Variants in FHIT observed in about 807,000 individuals in gnomAD.
The protein encoded by FHIT is bis(5'-adenosyl)-triphosphatase.
Under a neutral mutation model 17.9 loss-of-function variants are expected in FHIT, and 19 were observed. The ratio of observed to expected loss-of-function variants is 1.06; its 90% CI spans 0.74 to 1.56. FHIT has a LOEUF of 1.56. Ranked by LOEUF, FHIT falls within the 40% of genes most tolerant of loss-of-function variation. FHIT has a pLI of 0.00. For synonymous variants in FHIT, 81 were observed against 69.7 expected (o/e 1.16, Z -0.81); for missense variants, 248 against 189.2 (o/e 1.31, Z -1.82).
chr3:59,983,996 T>C (rs1213291984), intron 7 of FHIT, among the ~76,000 whole-genome samples: 1 of 152,092 alleles, frequency 6.6e-6, no homozygotes, highest in Admixed American at 6.6e-5. Context: ...CAAGTCTAAA[T>C]TGTATTCGAA....
At position 61,130,748 on chromosome 3, in the gene FHIT, A is replaced by C. The variant is rs187794956; in HGVS notation, c.-164+69869T>G. On this transcript the variant is annotated intron_variant, in intron 2 of 9. Coordinates refer to ENST00000492590, the MANE Select transcript of FHIT (RefSeq NM_002012.4). ...TGAAATACATAAAAGCTGAGGCTATATAAAAATCTGCATTTACGATAACTC... is the reference window on the plus strand; with the variant it reads ...TGAAATACATAAAAGCTGAGGCTATCTAAAAATCTGCATTTACGATAACTC... Among the ~76,000 whole-genome samples the C allele has an allele frequency of 6.0e-4, 91 of 152,340 alleles. 5 individuals are homozygous for C. The East Asian group carries it at 0.01, about 17-fold the overall frequency.
At position 60,326,522 on chromosome 3, in the gene FHIT, C is replaced by T. The variant is rs187638812; in HGVS notation, c.103+210338G>A. 2.5e-3 allele frequency among the ~76,000 whole-genome samples: 385 copies of T among 152,252 alleles called. 2 individuals are homozygous for T. The highest frequency in any genetic ancestry group is 4.0e-3 in the Non-Finnish European group (274 of 68,016). ...GGAGCGGCTGTAAAGACAGATGAAG[C>T]TTTGCTCAATTGCCCACTGCTCACT... is the stretch of plus-strand genomic sequence containing the variant. On this transcript the variant is annotated intron_variant, in intron 5 of 9. Coordinates refer to ENST00000492590, the MANE Select transcript of FHIT (RefSeq NM_002012.4).
chr3:59,858,131 C>A (rs1702248019), intron 8 of FHIT, among the ~76,000 whole-genome samples: 1 of 151,988 alleles, frequency 6.6e-6, no homozygotes, highest in African/African-American at 2.4e-5. Context: ...GAATGGTTTG[C>A]CCATTCAACA....
intron 4 of FHIT, among the ~76,000 whole-genome samples, chr3:60,735,338 A>G (rs2042113585): frequency 6.6e-6 from 1 of 152,222 alleles, no homozygotes; most frequent in Non-Finnish European, 1.5e-5. Context: ...CCCCTTCTCC[A>G]GTTCTGACTC....
At chr3:60,025,299 G>A (rs972045780) in intron 5 of FHIT, among the ~76,000 whole-genome samples, 7 of 152,138 alleles carry the variant, frequency 4.6e-5, no homozygotes, top group Admixed American at 2.0e-4. Context: ...ATATGTGCAC[G>A]CACACACATT....
chr3:60,667,285 T>G (rs1040078607), intron 4 of FHIT, among the ~76,000 whole-genome samples: 3 of 152,036 alleles, frequency 2.0e-5, no homozygotes, highest in African/African-American at 7.2e-5. Flanking sequence ...GTCCTGTTCA[T>G]TTTTTCAGTC....
At position 60,383,994 on chromosome 3, in the gene FHIT, C is replaced by T. The variant is rs370459873; in HGVS notation, c.103+152866G>A. On this transcript the variant is annotated intron_variant, in intron 5 of 9. Coordinates refer to ENST00000492590, the MANE Select transcript of FHIT (RefSeq NM_002012.4). ...CTTAAATTTTTGGAGATAGGACAGG[C>T]GCAGGTGGCCCATGCCTGTAATCCC... is the stretch of plus-strand genomic sequence containing the variant. Among the ~76,000 whole-genome samples the T allele has an allele frequency of 6.6e-5, 10 of 152,144 alleles. No individual in the cohort carries two copies. The East Asian group carries it at 1.4e-3, about 21-fold the overall frequency.
At chr3:60,499,777 C>T (rs1379192534) in intron 5 of FHIT, among the ~76,000 whole-genome samples, 2 of 152,148 alleles carry the variant, frequency 1.3e-5, no homozygotes, top group African/African-American at 4.8e-5. Context: ...TGCCCATTGT[C>T]CCACAATGGG....
In FHIT at chr3:60,210,251, T is replaced by C. The variant is rs997524192; in HGVS notation, c.104-196099A>G. 4.6e-5 allele frequency among the ~76,000 whole-genome samples: 7 copies of C among 152,062 alleles called. No individual in the cohort carries two copies. In the South Asian group the frequency reaches 6.2e-4, roughly 13 times the overall value. ...CTGTTGGGATAAGTGGATAGTCACA[T>C]GAAGAAAGGTAAAATCAGATCCATT... On this transcript the variant is annotated intron_variant, in intron 5 of 9. Coordinates refer to ENST00000492590, the MANE Select transcript of FHIT (RefSeq NM_002012.4).
At chr3:60,487,142 C>T (rs956922260) in intron 5 of FHIT, among the ~76,000 whole-genome samples, 4 of 152,142 alleles carry the variant, frequency 2.6e-5, no homozygotes, top group South Asian at 2.1e-4. Context: ...GTGACTTGAT[C>T]GCAAGAACCT....
intron 5 of FHIT, among the ~76,000 whole-genome samples, chr3:60,102,064 C>T (rs1228740999): frequency 6.6e-6 from 1 of 152,210 alleles, no homozygotes; most frequent in African/African-American, 2.4e-5. Context: ...AGAAAAGCTG[C>T]CTTTTGGTGG....
chr3:60,551,348 C>T (rs1039392503), intron 4 of FHIT, among the ~76,000 whole-genome samples: 10 of 145,802 alleles, frequency 6.9e-5, no homozygotes, highest in African/African-American at 2.3e-4. Context: ...CATCTCAGGA[C>T]GCCTGGTGTG....
chr3:61,179,661 T>C (rs1480898115), intron 2 of FHIT, among the ~76,000 whole-genome samples: 3 of 143,536 alleles, frequency 2.1e-5, no homozygotes, highest in South Asian at 2.2e-4. Flanking sequence ...TGAGCTATAA[T>C]TGTGCCACTG....
chr3:60,718,538 C>T (rs920392971), intron 4 of FHIT, among the ~76,000 whole-genome samples: 4 of 152,110 alleles, frequency 2.6e-5, no homozygotes, highest in African/African-American at 9.7e-5. Context: ...TAAGGAAAGG[C>T]AAAGTAAAAA....
At chr3:60,069,159 T>G (rs1482134446) in intron 5 of FHIT, among the ~76,000 whole-genome samples, 2 of 152,254 alleles carry the variant, frequency 1.3e-5, no homozygotes, top group East Asian at 3.9e-4. Context: ...CATGAAACAG[T>G]GCTTGGAAAG....
At chr3:60,183,917 T>A (rs1160925832) in intron 5 of FHIT, among the ~76,000 whole-genome samples, 1 of 152,106 alleles carries the variant, frequency 6.6e-6, no homozygotes, top group Non-Finnish European at 1.5e-5. Flanking sequence ...CCACTATTAT[T>A]AGCAACTTCC....
At chr3:60,639,282 G>A (rs994507926) in intron 4 of FHIT, among the ~76,000 whole-genome samples, 2 of 152,022 alleles carry the variant, frequency 1.3e-5, no homozygotes, top group Non-Finnish European at 2.9e-5. Flanking sequence ...ACTAAGATTT[G>A]TGAGAACGGT....
intron 2 of FHIT, among the ~76,000 whole-genome samples, chr3:61,096,258 T>C (rs1452666343): frequency 6.6e-6 from 1 of 152,218 alleles, no homozygotes; most frequent in Non-Finnish European, 1.5e-5. Context: ...ATAATGCCTC[T>C]ACCTTGCAAA....
intron 8 of FHIT, among the ~76,000 whole-genome samples, chr3:59,901,376 T>C (rs1276571555): frequency 2.0e-5 from 3 of 152,224 alleles, no homozygotes; most frequent in African/African-American, 7.2e-5. Context: ...TCGGGAGAGG[T>C]ATCATGAGGA....
Sources: allele counts gnomAD v4.1 joint callset (sites outside exome capture counted in the v4.1 genomes callset), GRCh38; gene constraint gnomAD v4.1.1; transcripts MANE v1.5; gene names NCBI Gene and HGNC (gene_info 2026-07-23, HGNC 2026-07-21).